Variants in RGS7 observed in about 807,000 individuals in gnomAD.
RGS7 encodes regulator of G protein signaling 7.
In RGS7, 27 loss-of-function variants were observed where a neutral mutation model predicts 81.1. That is an observed-to-expected ratio of 0.33 (90% CI 0.25 to 0.46). RGS7 has a LOEUF of 0.46. Ranked by LOEUF, RGS7 falls within the 20% of genes least tolerant of loss-of-function variation. The probability of loss-of-function intolerance (pLI) is 1.00; values close to 1 mark genes in which losing one functional copy is unlikely to be tolerated. For synonymous variants in RGS7, 208 were observed against 207.7 expected (o/e 1.00, Z -0.01); for missense variants, 396 against 607.4 (o/e 0.65, Z 3.66).
chr1:241,183,980 C>T (rs569774231), intron 2 of RGS7, among the ~76,000 whole-genome samples: 1 of 152,140 alleles, frequency 6.6e-6, no homozygotes, highest in Non-Finnish European at 1.5e-5. Context: ...ATGGACAGAA[C>T]AGGAGTCGAT....
chr1:241,062,666 A>G (rs1331875914), intron 3 of RGS7, among the ~76,000 whole-genome samples: 1 of 152,174 alleles, frequency 6.6e-6, no homozygotes, highest in Non-Finnish European at 1.5e-5. Flanking sequence ...AAAATATACA[A>G]ATGCAATACC....
chr1:240,903,922 C>G (rs1670415500), intron 6 of RGS7, among the ~76,000 whole-genome samples: 1 of 152,202 alleles, frequency 6.6e-6, no homozygotes, highest in Admixed American at 6.5e-5. Flanking sequence ...AGGGCCTCAC[C>G]AGAAGCAGGT....
In RGS7 at chr1:241,246,522, T is replaced by C. The variant is rs114241634; in HGVS notation, c.78+109177A>G. On this transcript the variant is annotated intron_variant, in intron 2 of 18. Coordinates refer to ENST00000440928, the MANE Select transcript of RGS7 (RefSeq NM_001364886.1). ...TACTAATACGAAGTTTAAGAAGGCA[T>C]GTGTTAAACTAGAAAAAACTGAAGA... Among the ~76,000 whole-genome samples the C allele has an allele frequency of 6.9e-3, 1,048 of 152,252 alleles. 15 individuals are homozygous for C. The highest frequency in any genetic ancestry group is 0.024 in the African/African-American group (1,017 of 41,552).
chr1:241,356,079 C>T lies in RGS7; in HGVS notation c.-50-253G>A, dbSNP rs1040823657. 2.0e-5 allele frequency among the ~76,000 whole-genome samples: 3 copies of T among 152,198 alleles called. No individual in the cohort carries two copies. The South Asian group carries it at 6.2e-4, about 31-fold the overall frequency. On this transcript the variant is annotated intron_variant, in intron 1 of 18. Transcript: ENST00000440928. ...TTTAGCTGACTTCATTTTCTGGATA[C>T]TCATTTTGAGAAGTGTTTGATGCTC... is the stretch of plus-strand genomic sequence containing the variant.
intron 2 of RGS7, among the ~76,000 whole-genome samples, chr1:241,205,279 A>G (rs559218438): frequency 5.8e-4 from 85 of 146,924 alleles, no homozygotes; most frequent in African/African-American, 2.1e-3. Context: ...ACGGGGTTTC[A>G]CCATGTTGGC....
At chr1:241,288,762 C>T (rs377164105) in intron 2 of RGS7, among the ~76,000 whole-genome samples, 1 of 152,188 alleles carries the variant, frequency 6.6e-6, no homozygotes, top group East Asian at 1.9e-4. Flanking sequence ...TCATCGTGCC[C>T]TGCCCAAAGC....
At chr1:241,106,716 C>CAAA (rs757488665) in intron 2 of RGS7, among the ~76,000 whole-genome samples, 3 of 34,058 alleles carry the variant, frequency 8.8e-5, no homozygotes, top group Non-Finnish European at 1.4e-4. Context: ...ACTCCGTCTC[C>CAAA]AAAAAAAAAA....
intron 2 of RGS7, among the ~76,000 whole-genome samples, chr1:241,275,691 C>A (rs2078158047): frequency 6.6e-6 from 1 of 152,156 alleles, no homozygotes; most frequent in South Asian, 2.1e-4. Context: ...TTCCACAGAG[C>A]CCTATTTTGA....
chr1:240,946,194 T>C (rs1190926426), intron 4 of RGS7, among the ~76,000 whole-genome samples: 6 of 152,210 alleles, frequency 3.9e-5, no homozygotes, highest in African/African-American at 1.4e-4. Context: ...AGATGAGTTA[T>C]TTAAAGTATT....
At chr1:241,094,214 T>C (rs1244699510) in intron 3 of RGS7, among the ~76,000 whole-genome samples, 3 of 150,298 alleles carry the variant, frequency 2.0e-5, no homozygotes, top group East Asian at 2.0e-4. Context: ...CTAGGTTACA[T>C]TGCCTCAGTG....
intron 2 of RGS7, among the ~76,000 whole-genome samples, chr1:241,121,932 G>A (rs1041534933): frequency 5.9e-5 from 9 of 151,884 alleles, no homozygotes; most frequent in Non-Finnish European, 8.8e-5. Flanking sequence ...TCAAATTCCC[G>A]AGCTTACGCA....
At position 240,831,210 on chromosome 1, in the gene RGS7, C is replaced by A. The variant is rs112773453; in HGVS notation, c.610-4038G>T. Among the ~76,000 whole-genome samples the A allele has an allele frequency of 6.7e-3, 1,013 of 151,770 alleles. 8 individuals carry two copies. The highest frequency in any genetic ancestry group is 0.022 in the African/African-American group (903 of 41,200). ...GAGGCCCTGTAATTTCTAATGAGGCCTCATGGGACAGCTAATGGTTCAACA... is the reference window on the plus strand; with the variant it reads ...GAGGCCCTGTAATTTCTAATGAGGCATCATGGGACAGCTAATGGTTCAACA... On this transcript the variant is annotated intron_variant, in intron 9 of 18. Transcript: ENST00000440928.
chr1:240,935,819 T>C (rs920211873), intron 5 of RGS7, among the ~76,000 whole-genome samples: 12 of 152,214 alleles, frequency 7.9e-5, no homozygotes, highest in African/African-American at 2.9e-4. Flanking sequence ...AGTTGGACTG[T>C]GGGGAGAACC....
intron 2 of RGS7, among the ~76,000 whole-genome samples, chr1:241,162,247 G>A (rs1234766056): frequency 1.6e-5 from 2 of 125,552 alleles, no homozygotes; most frequent in African/African-American, 6.2e-5. Context: ...CTCAGAAGTT[G>A]GGCGAGCACG....
At chr1:240,943,657 C>T (rs1232878912) in intron 4 of RGS7, among the ~76,000 whole-genome samples, 2 of 152,112 alleles carry the variant, frequency 1.3e-5, no homozygotes, top group Non-Finnish European at 1.5e-5. Flanking sequence ...CTATGTTTTT[C>T]CCTACAGCAA....
At chr1:240,947,827 C>T (rs1372451820) in intron 4 of RGS7, among the ~76,000 whole-genome samples, 1 of 152,194 alleles carries the variant, frequency 6.6e-6, no homozygotes, top group Non-Finnish European at 1.5e-5. Context: ...TTTACAAGAT[C>T]TTATATGATC....
intron 2 of RGS7, among the ~76,000 whole-genome samples, chr1:241,157,400 A>G (rs1043135239): frequency 6.6e-6 from 1 of 152,168 alleles, no homozygotes; most frequent in African/African-American, 2.4e-5. Flanking sequence ...CCCCCTACAT[A>G]GGCTTCCCTC....
At chr1:241,116,539 T>C (rs2065897061) in intron 2 of RGS7, among the ~76,000 whole-genome samples, 2 of 152,166 alleles carry the variant, frequency 1.3e-5, no homozygotes, top group South Asian at 4.1e-4. Flanking sequence ...AATGCCTATC[T>C]AACTTCTTTA....
rs967385916 is a variant in RGS7, at chr1:240,916,596, A to G, written c.385+14121T>C. ...GAGGTAATGAAGGTCACATGAGATC[A>G]TAAGGGTGAGGTCCCAATCCAATAT... On this transcript the variant is annotated intron_variant, in intron 6 of 18. Transcript: ENST00000440928. Among the ~76,000 whole-genome samples, 10 of 152,292 alleles carry G rather than the reference A, an allele frequency of 6.6e-5. 1 individual carries two copies. In the South Asian group the frequency reaches 2.1e-3, roughly 32 times the overall value.
Sources: gnomAD v4.1 joint callset for allele counts (sites outside exome capture counted in the v4.1 genomes callset) on GRCh38, gnomAD v4.1.1 for gene constraint, MANE v1.5 for transcripts, NCBI Gene and HGNC (gene_info 2026-07-23, HGNC 2026-07-21) for gene names.